COX20: variants seen among roughly 807,000 people sequenced by gnomAD.
COX20 encodes the protein cytochrome c oxidase assembly protein COX20, mitochondrial.
Under a neutral mutation model 14.3 loss-of-function variants are expected in COX20, and 14 were observed. The observed-to-expected ratio is 0.98, with a 90% CI of 0.65 to 1.53. The LOEUF is 1.53. COX20 is among the 40% of genes most tolerant of loss of function. COX20 has a pLI of 0.00. For synonymous variants in COX20, 56 were observed against 51.7 expected (o/e 1.08, Z -0.36); for missense variants, 149 against 142.1 (o/e 1.05, Z -0.25).
rs748696423 is a variant in COX20, at chr1:244,841,926, TC to T, written c.43-17del. 2 of 1,443,868 alleles carry T rather than the reference TC, an allele frequency of 1.4e-6. No individual in the cohort carries two copies. The highest frequency in any genetic ancestry group is 3.9e-5 in the Admixed American group (2 of 51,070). The allele number at this position is 1,443,868 out of a possible 1,614,324, so 89.4% of individuals were successfully genotyped here. ...AAATACTTTCTTACTCAATCTAGGT[TC>T]TTTTTTTTCATTCTAGTCCCTTAAG... On this transcript the variant is annotated splice_polypyrimidine_tract_variant and intron_variant, in intron 1 of 3. Coordinates refer to ENST00000411948, the MANE Select transcript of COX20 (RefSeq NM_198076.6).
intron 3 of COX20, 166 bp downstream of exon 3, chr1:244,842,424 A>C (rs1680244945): frequency 1.6e-6 from 1 of 613,704 alleles, no homozygotes; most frequent in Admixed American, 2.8e-5. Context: ...GCTTGAACAG[A>C]TAAATGCATA....
At chr1:244,836,627 G>A (rs1679995352) in intron 1 of COX20, 5 of 998,842 alleles carry the variant, frequency 5.0e-6, no homozygotes, top group Admixed American at 2.6e-5. Flanking sequence ...AATAATGCAA[G>A]AGGAAAAAAG....
upstream of COX20, chr1:244,835,590 G>T (rs1027455695): frequency 2.0e-5 from 13 of 660,374 alleles, no homozygotes; most frequent in African/African-American, 2.4e-4. Context: ...AATGGCGGCC[G>T]GCGCGTCGGA....
chr1:244,836,409 C>CTTG, intron 1 of COX20: 3 of 1,317,886 alleles, frequency 2.3e-6, no homozygotes, highest in Non-Finnish European at 3.2e-6. Flanking sequence ...TATAGTAAAG[C>CTTG]TAAACCAAGC....
chr1:244,842,094 A>C, intron 2 of COX20, 36 bp downstream of exon 2: 1 of 1,537,478 alleles, frequency 6.5e-7, no homozygotes. Flanking sequence ...CTATGTACTA[A>C]AAAAAGCATT....
In COX20 at chr1:244,842,502, C is replaced by G. The variant is rs566816530; in HGVS notation, c.221+244C>G. 5 of 491,536 alleles carry G rather than the reference C, an allele frequency of 1.0e-5. No homozygotes were observed. In the South Asian group the frequency reaches 1.1e-4, roughly 11 times the overall value. The allele number at this position is 491,536 out of a possible 1,614,324, so 30.4% of individuals were successfully genotyped here. ...ACTTAGGAAAGCCTCAACCATTTCC[C>G]TTACCCTAATACTTATTTCATCCCT... On this transcript the variant is annotated intron_variant, in intron 3 of 3. Transcript: ENST00000411948.
chr1:244,844,853 CAAT>C lies in COX20; in HGVS notation c.*1681_*1683del, dbSNP rs1164053350. On this transcript the variant is annotated 3_prime_UTR_variant, in exon 4 of 4. Coordinates refer to ENST00000411948, the MANE Select transcript of COX20 (RefSeq NM_198076.6). ...CGGGAAAATGTTGATGATCACTAAT[CAAT>C]AATCTGATATTTAACAAAATATGGA... 1 of 151,956 alleles carries C rather than the reference CAAT, an allele frequency of 6.6e-6. No homozygotes were observed. The highest frequency in any genetic ancestry group is 2.4e-5 in the African/African-American group (1 of 41,384). 9.4% of individuals were successfully genotyped at this position (151,956 alleles called of 1,614,324 possible).
intron 1 of COX20, among the ~76,000 whole-genome samples, chr1:244,838,080 A>T (rs1175042245): frequency 2.6e-5 from 4 of 152,192 alleles, no homozygotes; most frequent in Non-Finnish European, 5.9e-5. Context: ...CTCAACCTGT[A>T]TTAGCAATGA....
Position 244,842,020 on chromosome 1 carries a change from G to C in COX20, c.119G>C (p.Gly40Ala). 1 of 1,611,536 alleles carries C rather than the reference G, an allele frequency of 6.2e-7. No individual in the cohort carries two copies. Among genetic ancestry groups the C allele is most frequent in the Non-Finnish European group, 8.5e-7 (1 of 1,178,080 alleles). Residue 40 changes from glycine (G) to alanine (A), a missense_variant, in exon 2 of 4, where the codon GGA becomes GCA. Coordinates refer to ENST00000411948, the MANE Select transcript of COX20 (RefSeq NM_198076.6). ...CATTCAATATTGTATGGTTCATTAGGATCTGTTGTGGCTGGCTTTGGACAT... is the reference window on the plus strand; with the variant it reads ...CATTCAATATTGTATGGTTCATTAGCATCTGTTGTGGCTGGCTTTGGACAT... ...ARHSILYGSL[G>A]SVVAGFGHFL...
At chr1:244,842,527 T>C in intron 3 of COX20, 1 of 404,934 alleles carries the variant, frequency 2.5e-6, no homozygotes, top group Non-Finnish European at 4.5e-6. Context: ...ATTTCATCCC[T>C]GCTTATTCAT....
chr1:244,838,284 A>C (rs1250695745), intron 1 of COX20, among the ~76,000 whole-genome samples: 1 of 152,204 alleles, frequency 6.6e-6, no homozygotes, highest in Admixed American at 6.5e-5. Flanking sequence ...ACGAGGTTCA[A>C]GGTGCTTTTT....
chr1:244,836,585 T>C, intron 1 of COX20: 1 of 1,374,056 alleles, frequency 7.3e-7, no homozygotes, highest in South Asian at 1.2e-5. Flanking sequence ...ACCTAATTTA[T>C]ATCCTCAGGG....
chr1:244,843,337 G>T lies in COX20; in HGVS notation c.*161G>T. 1 of 702,946 alleles carries T rather than the reference G, an allele frequency of 1.4e-6. No individual in the cohort carries two copies. 43.5% of individuals were successfully genotyped at this position (702,946 alleles called of 1,614,324 possible). ...AAACTTGCCAGTTTATTCTGGCCCT[G>T]TGTCTACTGCCAGGATAGCATTCTT... On this transcript the variant is annotated 3_prime_UTR_variant, in exon 4 of 4. Transcript: ENST00000411948.
rs747910275 is a variant in COX20 at position 244,841,963 on chromosome 1, T to C, written c.62T>C (p.Phe21Ser). Reference protein sequence around the residue: ...EERKSLKLLGFLDVENTPCAR... With the variant: ...EERKSLKLLGSLDVENTPCAR... ...TTCTAGTCCCTTAAGCTCCTAGGAT[T>C]TTTAGATGTTGAAAATACTCCCTGC... Residue 21 changes from phenylalanine to serine, a missense_variant, in exon 2 of 4, where the codon TTT becomes TCT. Phe to Ser is a radical substitution (Grantham distance 155, BLOSUM62 -2). Transcript: ENST00000411948. 6.3e-6 allele frequency: 10 copies of C among 1,598,176 alleles called. No individual in the cohort carries two copies. The East Asian group carries it at 6.7e-5, about 11-fold the overall frequency.
chr1:244,836,368 A>G lies in COX20; in HGVS notation c.42+612A>G, dbSNP rs543997759. 53 of 792,988 alleles carry G rather than the reference A, an allele frequency of 6.7e-5. No homozygotes were observed. In the Middle Eastern group the frequency reaches 1.1e-3, roughly 17 times the overall value. 49.1% of individuals were successfully genotyped at this position (792,988 alleles called of 1,614,324 possible). A position where few individuals can be genotyped will look rare whatever the true frequency, so the allele number is the denominator to read the frequency against. On this transcript the variant is annotated intron_variant, in intron 1 of 3. Transcript: ENST00000411948. ...ACATCCAGTCGTAGCAGCCCATCCT[A>G]TCTCTTTAAGGATAAAACCCAAATT...
At chr1:244,840,414 T>C (rs1468600929) in intron 1 of COX20, 1 of 152,252 alleles carries the variant, frequency 6.6e-6, no homozygotes, top group African/African-American at 2.4e-5. Flanking sequence ...GAGGTAGTCC[T>C]GGACTGGAGC....
At chr1:244,837,107 A>T (rs1022652801) in intron 1 of COX20, among the ~76,000 whole-genome samples, 5 of 136,974 alleles carry the variant, frequency 3.7e-5, no homozygotes, top group East Asian at 2.0e-4. Flanking sequence ...ATTGGAAATT[A>T]AAAAAAAAAA....
At chr1:244,840,200 T>A (rs1282985597) in intron 1 of COX20, 1 of 152,152 alleles carries the variant, frequency 6.6e-6, no homozygotes, top group African/African-American at 2.4e-5. Context: ...AATATGACAG[T>A]CATCAGAAAA....
chr1:244,835,562 G>C (rs1013470484), upstream of COX20: 2 of 474,792 alleles, frequency 4.2e-6, no homozygotes, highest in African/African-American at 2.0e-5. Context: ...ACTGCGGAGC[G>C]TTAGGAACAT....
Sources: allele counts gnomAD v4.1 joint callset (sites outside exome capture counted in the v4.1 genomes callset), GRCh38; gene constraint gnomAD v4.1.1; transcripts MANE v1.5; gene names NCBI Gene and HGNC (gene_info 2026-07-23, HGNC 2026-07-21).